The following ZNF254 variants were observed in gnomAD, a reference collection of about 807,000 sequenced individuals.
ZNF254 encodes zinc finger protein 254.
A neutral mutation model predicts 12.4 loss-of-function variants in ZNF254; 10 were observed. The observed-to-expected ratio is 0.80, with a 90% CI of 0.50 to 1.36. The LOEUF is 1.36. ZNF254 is among the 40% of genes most tolerant of loss of function. The probability of loss-of-function intolerance (pLI) is 0.00; values close to 1 mark genes in which losing one functional copy is unlikely to be tolerated. For synonymous variants in ZNF254, 305 were observed against 253.4 expected, an observed-to-expected ratio of 1.20 and a Z score of -1.93; for missense variants, 996 against 763.9, an observed-to-expected ratio of 1.30 and a Z score of -3.58.
chr19:24,059,140 G>A (rs142830586), intron 2 of ZNF254, among the ~76,000 whole-genome samples: 6 of 152,280 alleles, frequency 3.9e-5, no homozygotes, highest in Admixed American at 2.0e-4. Context: ...TGGCCCCAGC[G>A]CCAAGGTGAT....
At chr19:24,085,329 A>T (rs1157119445), upstream of ZNF254, among the ~76,000 whole-genome samples, 1 of 147,248 alleles carries the variant, frequency 6.8e-6, no homozygotes, top group Non-Finnish European at 1.5e-5. Context: ...AAAACATAAA[A>T]TTTTTTATCT....
At chr19:24,037,932 A>T (rs1970027230) in intron 1 of ZNF254, among the ~76,000 whole-genome samples, 1 of 152,118 alleles carries the variant, frequency 6.6e-6, no homozygotes, top group Admixed American at 6.6e-5. Flanking sequence ...CTTTTAGTAG[A>T]GATGGAATTT....
At chr19:24,047,982 C>T (rs192682245) in intron 2 of ZNF254, among the ~76,000 whole-genome samples, 454 of 134,122 alleles carry the variant, frequency 3.4e-3, no homozygotes, top group African/African-American at 0.011. Flanking sequence ...CCACTGCACC[C>T]GGCTCTTTTT....
intron 1 of ZNF254, chr19:24,105,702 T>C (rs1184868948): frequency 4.6e-6 from 2 of 433,794 alleles, no homozygotes; most frequent in Non-Finnish European, 7.4e-6. Context: ...CAATTTTACA[T>C]GTTATCTTCC....
chr19:24,081,997 C>A (rs1397114396), intron 2 of ZNF254, among the ~76,000 whole-genome samples: 1 of 152,046 alleles, frequency 6.6e-6, no homozygotes, highest in Admixed American at 6.6e-5. Flanking sequence ...GTGGTGTGCA[C>A]CTGTAGTCCT....
intron 1 of ZNF254, among the ~76,000 whole-genome samples, chr19:24,042,251 C>T (rs1352420959): frequency 6.6e-6 from 1 of 152,130 alleles, no homozygotes; most frequent in African/African-American, 2.4e-5. Context: ...GGTGGAGAAC[C>T]TTTGTATCTT....
intron 2 of ZNF254, among the ~76,000 whole-genome samples, chr19:24,057,791 G>A (rs534905343): frequency 6.6e-6 from 1 of 152,370 alleles, no homozygotes; most frequent in African/African-American, 2.4e-5. Context: ...AAGAGGGATT[G>A]TGTCTCTCAT....
chr19:24,039,851 A>T (rs1437207977), intron 1 of ZNF254, among the ~76,000 whole-genome samples: 1 of 152,192 alleles, frequency 6.6e-6, no homozygotes, highest in African/African-American at 2.4e-5. Flanking sequence ...ACCTGAAGGG[A>T]CATCATAGAC....
At chr19:24,074,678 G>A (rs1211375291) in intron 2 of ZNF254, among the ~76,000 whole-genome samples, 2 of 152,088 alleles carry the variant, frequency 1.3e-5, no homozygotes, top group Non-Finnish European at 2.9e-5. Context: ...TCTTTCTGGG[G>A]CCTGTCCACA....
At chr19:24,054,349 A>C (rs543773246) in intron 2 of ZNF254, among the ~76,000 whole-genome samples, 1 of 152,310 alleles carries the variant, frequency 6.6e-6, no homozygotes, top group South Asian at 2.1e-4. Context: ...CATATACTAT[A>C]GTCAGCTTAT....
At position 24,064,957 on chromosome 19, in the gene ZNF254, C is replaced by A. The variant is rs141964236; in HGVS notation, c.-94+18678C>A. On this transcript the variant is annotated intron_variant, in intron 2 of 4. Transcript: ENST00000613065. ...TCTTGGCGATTTGACTTTTCTGTTC[C>A]GCTTGAGCACTGCCAAAAGAAAAAT... is the stretch of plus-strand genomic sequence containing the variant. 2.9e-4 allele frequency among the ~76,000 whole-genome samples: 44 copies of A among 152,238 alleles called. No homozygotes were observed. The East Asian group carries it at 7.9e-3, about 27-fold the overall frequency.
chr19:24,053,301 C>T (rs1421617691), intron 2 of ZNF254, among the ~76,000 whole-genome samples: 1 of 152,172 alleles, frequency 6.6e-6, no homozygotes, highest in East Asian at 1.9e-4. Context: ...GGTACTTACA[C>T]CCAACATACA....
At chr19:24,081,462 T>C (rs1028224471) in intron 2 of ZNF254, among the ~76,000 whole-genome samples, 4 of 152,212 alleles carry the variant, frequency 2.6e-5, no homozygotes, top group African/African-American at 7.2e-5. Context: ...ATTAACCTGA[T>C]ATGAGGTGCT....
chr19:24,062,788 C>T (rs944694343), intron 2 of ZNF254, among the ~76,000 whole-genome samples: 1 of 152,044 alleles, frequency 6.6e-6, no homozygotes, highest in African/African-American at 2.4e-5. Flanking sequence ...GTGACTGCAA[C>T]TTCACTAAGG....
chr19:24,105,367 CA>C, intron 1 of ZNF254: 1 of 214,872 alleles, frequency 4.7e-6, no homozygotes, highest in Non-Finnish European at 8.9e-6. Context: ...AAAAAAAAAA[CA>C]AAAAACAAAA....
At chr19:24,047,346 TCCTA>T (rs1970432899) in intron 2 of ZNF254, among the ~76,000 whole-genome samples, 1 of 151,850 alleles carries the variant, frequency 6.6e-6, no homozygotes, top group African/African-American at 2.4e-5. Context: ...TTTCCTTCCT[TCCTA>T]CCTTTCTTTC....
At chr19:24,041,408 GC>G (rs1201620745) in intron 1 of ZNF254, among the ~76,000 whole-genome samples, 4 of 152,270 alleles carry the variant, frequency 2.6e-5, no homozygotes, top group African/African-American at 9.6e-5. Flanking sequence ...CACACTCGGA[GC>G]AGCCAGCCAG....
intron 3 of ZNF254, among the ~76,000 whole-genome samples, chr19:24,116,380 A>C (rs1025106748): frequency 3.3e-5 from 5 of 152,032 alleles, no homozygotes; most frequent in African/African-American, 1.2e-4. Flanking sequence ...TATTTCTTGG[A>C]GGCTTTTTTC....
chr19:24,072,382 G>A (rs893448527), intron 2 of ZNF254, among the ~76,000 whole-genome samples: 3 of 152,066 alleles, frequency 2.0e-5, no homozygotes, highest in African/African-American at 7.2e-5. Flanking sequence ...ATGTTGGCCA[G>A]GCTGGTCTCG....
Sources: allele counts gnomAD v4.1 joint callset (sites outside exome capture counted in the v4.1 genomes callset), GRCh38; gene constraint gnomAD v4.1.1; transcripts MANE v1.5; gene names NCBI Gene and HGNC (gene_info 2026-07-23, HGNC 2026-07-21).